The following ARSB variants were observed in gnomAD, a reference collection of about 807,000 sequenced individuals.
ARSB encodes arylsulfatase B.
ARSB carries 41 observed loss-of-function variants against 50.9 expected under a neutral mutation model. The observed-to-expected ratio is 0.81, with a 90% CI of 0.63 to 1.04. The LOEUF (loss-of-function observed/expected upper bound fraction) is 1.04, where lower values mean the gene tolerates loss of function less well. Among genes scored for constraint, ARSB ranks in the 50% least tolerant of loss-of-function variants. The pLI is 0.00. For synonymous variants in ARSB, 269 were observed against 284.8 expected, an observed-to-expected ratio of 0.94 and a Z score of 0.56; for missense variants, 672 against 693.3, an observed-to-expected ratio of 0.97 and a Z score of 0.35.
intron 5 of ARSB, among the ~76,000 whole-genome samples, chr5:78,846,160 C>A (rs1303266600): frequency 6.6e-6 from 1 of 152,046 alleles, no homozygotes; most frequent in Non-Finnish European, 1.5e-5. Context: ...AATAAATGTT[C>A]TTGGTGCCTT....
chr5:78,973,977 A>G (rs953940900), intron 1 of ARSB, among the ~76,000 whole-genome samples: 4 of 152,200 alleles, frequency 2.6e-5, no homozygotes, highest in Non-Finnish European at 5.9e-5. Context: ...GCCTATGGGA[A>G]GCTTCATGAT....
At chr5:78,822,848 G>A (rs762524517) in intron 6 of ARSB, among the ~76,000 whole-genome samples, 27 of 152,174 alleles carry the variant, frequency 1.8e-4, no homozygotes, top group Non-Finnish European at 3.2e-4. Context: ...ATGTTGGCCA[G>A]GATGGTCTCG....
chr5:78,872,981 C>T lies in ARSB; in HGVS notation c.1142+12603G>A, dbSNP rs1747299768. ...TCCAGGAAACGCCAACATACATAAA[C>T]GTGAACAAAACCAAAAAGAACTCAG... On this transcript the variant is annotated intron_variant, in intron 5 of 7. Transcript: ENST00000264914. Among the ~76,000 whole-genome samples, 4 of 152,048 alleles carry T rather than the reference C, an allele frequency of 2.6e-5. No homozygotes were observed. In the South Asian group the frequency reaches 8.3e-4, roughly 32 times the overall value.
intron 5 of ARSB, among the ~76,000 whole-genome samples, chr5:78,867,393 A>G (rs1374549112): frequency 6.6e-6 from 1 of 152,158 alleles, no homozygotes; most frequent in East Asian, 1.9e-4. Context: ...AGACAGCAGT[A>G]ACCTCTGCAG....
chr5:78,909,633 C>T (rs1749214918), intron 4 of ARSB, among the ~76,000 whole-genome samples: 2 of 152,198 alleles, frequency 1.3e-5, no homozygotes, highest in Non-Finnish European at 2.9e-5. Flanking sequence ...TCTCCATTCT[C>T]GATAAACCAG....
chr5:78,819,681 C>T (rs763768663), intron 6 of ARSB, among the ~76,000 whole-genome samples: 4 of 152,190 alleles, frequency 2.6e-5, no homozygotes, highest in South Asian at 2.1e-4. Flanking sequence ...TTCCACAGTT[C>T]GTCTTCATAT....
chr5:78,811,969 G>A (rs1329202694), intron 6 of ARSB, among the ~76,000 whole-genome samples: 2 of 151,610 alleles, frequency 1.3e-5, no homozygotes, highest in African/African-American at 4.9e-5. Flanking sequence ...AACTAATCCT[G>A]TACCAGTGAT....
At chr5:78,880,408 G>A (rs772488084) in intron 5 of ARSB, among the ~76,000 whole-genome samples, 38 of 152,158 alleles carry the variant, frequency 2.5e-4, no homozygotes, top group Non-Finnish European at 4.4e-4. Context: ...CTGGCAAAGT[G>A]TCCTATAAAG....
intron 4 of ARSB, among the ~76,000 whole-genome samples, chr5:78,901,467 G>A (rs1317116319): frequency 6.6e-6 from 1 of 152,098 alleles, no homozygotes; most frequent in African/African-American, 2.4e-5. Flanking sequence ...CATGGAACTG[G>A]AATGGAGTGC....
At chr5:78,807,909 C>T (rs886129358) in intron 6 of ARSB, among the ~76,000 whole-genome samples, 12 of 151,304 alleles carry the variant, frequency 7.9e-5, no homozygotes, top group South Asian at 2.1e-4. Flanking sequence ...CCGGCTAAAA[C>T]GGTGAAACCC....
intron 4 of ARSB, among the ~76,000 whole-genome samples, chr5:78,943,832 T>C (rs532543783): frequency 2.6e-5 from 4 of 152,368 alleles, no homozygotes; most frequent in South Asian, 4.1e-4. Context: ...CCTGCCTTGC[T>C]AGACTGGGGA....
Position 78,976,371 on chromosome 5 carries a change from C to G in ARSB, c.313-7179G>C, listed in dbSNP as rs1752668171. On this transcript the variant is annotated intron_variant, in intron 1 of 7. Coordinates refer to ENST00000264914, the MANE Select transcript of ARSB (RefSeq NM_000046.5). ...GCACCATCCTGGCTCACTGCAAACT[C>G]TGCCTCCCCAGGCTCAAGCGATTTC... 4.3e-5 allele frequency among the ~76,000 whole-genome samples: 6 copies of G among 141,108 alleles called. No homozygotes were observed. In the East Asian group the frequency reaches 1.3e-3, roughly 32 times the overall value. 92.6% of individuals were successfully genotyped at this position (141,108 alleles called of 152,430 possible).
At chr5:78,944,391 T>C (rs1580104469) in intron 4 of ARSB, among the ~76,000 whole-genome samples, 1 of 152,364 alleles carries the variant, frequency 6.6e-6, no homozygotes, top group Admixed American at 6.5e-5. Flanking sequence ...GCTCTGTTTT[T>C]TCCCCATCTT....
intron 4 of ARSB, among the ~76,000 whole-genome samples, chr5:78,911,534 A>G (rs577837717): frequency 7.1e-6 from 1 of 139,882 alleles, no homozygotes; most frequent in Non-Finnish European, 1.5e-5. Context: ...AGATCGCACA[A>G]CTGCACTCCA....
At position 78,849,166 on chromosome 5, in the gene ARSB, C is replaced by G. The variant is rs1483325895; in HGVS notation, c.1143-9740G>C. On this transcript the variant is annotated intron_variant, in intron 5 of 7. Transcript: ENST00000264914. ...ATGCCTATGTCCTGAATGGTAATGC[C>G]TAGGTTTTCTTCTCGGGTTTTTATG... 2.6e-5 allele frequency among the ~76,000 whole-genome samples: 4 copies of G among 152,118 alleles called. No individual in the cohort carries two copies. The East Asian group carries it at 7.7e-4, about 29-fold the overall frequency.
chr5:78,924,742 C>G (rs1318239686), intron 4 of ARSB, among the ~76,000 whole-genome samples: 1 of 152,150 alleles, frequency 6.6e-6, no homozygotes, highest in Non-Finnish European at 1.5e-5. Context: ...GCAATATATG[C>G]CCAAAGCTAA....
At chr5:78,901,459 T>C (rs1387007118) in intron 4 of ARSB, among the ~76,000 whole-genome samples, 1 of 152,190 alleles carries the variant, frequency 6.6e-6, no homozygotes, top group African/African-American at 2.4e-5. Context: ...CAAGATTTCA[T>C]GGAACTGGAA....
At chr5:78,847,473 T>A (rs1387601690) in intron 5 of ARSB, among the ~76,000 whole-genome samples, 1 of 152,154 alleles carries the variant, frequency 6.6e-6, no homozygotes, top group Non-Finnish European at 1.5e-5. Context: ...TGCTAGCATT[T>A]TGTTGAGGCT....
chr5:78,780,266 A>G lies in ARSB; in HGVS notation c.*131T>C, dbSNP rs948384397. The G allele has an allele frequency of 9.7e-6, 12 of 1,234,712 alleles. No individual in the cohort carries two copies. Among genetic ancestry groups the G allele is most frequent in the Non-Finnish European group, 1.3e-5 (11 of 852,868 alleles). 76.5% of individuals were successfully genotyped at this position (1,234,712 alleles called of 1,614,324 possible). On this transcript the variant is annotated 3_prime_UTR_variant, in exon 8 of 8. Transcript: ENST00000264914. ...AATGCATTAGGGGTTGAAATTAGAC[A>G]CCTCGGTGTGGTTTAAGAGCAAGAG...
Sources: allele counts gnomAD v4.1 joint callset (sites outside exome capture counted in the v4.1 genomes callset), GRCh38; gene constraint gnomAD v4.1.1; transcripts MANE v1.5; gene names NCBI Gene and HGNC (gene_info 2026-07-23, HGNC 2026-07-21).